Variants in CRADD observed in about 807,000 individuals in gnomAD.
CRADD encodes CARD and death domain containing adaptor protein.
CRADD carries 9 observed loss-of-function variants against 15.5 expected under a neutral mutation model. The observed-to-expected ratio is 0.58, with a 90% CI of 0.35 to 1.01. CRADD has a LOEUF of 1.01. Ranked by LOEUF, CRADD falls within the 50% of genes least tolerant of loss-of-function variation. The pLI is 0.02. For synonymous variants in CRADD, 118 were observed against 107.6 expected, an observed-to-expected ratio of 1.10 and a Z score of -0.60; for missense variants, 227 against 250.3, an observed-to-expected ratio of 0.91 and a Z score of 0.63.
chr12:93,823,713 T>G (rs899072443), intron 2 of CRADD, among the ~76,000 whole-genome samples: 1 of 152,184 alleles, frequency 6.6e-6, no homozygotes, highest in African/African-American at 2.4e-5. Flanking sequence ...TTGCCTGTGG[T>G]TCACGCAGAA....
chr12:93,804,434 C>T (rs1036388162), intron 2 of CRADD, among the ~76,000 whole-genome samples: 17 of 152,076 alleles, frequency 1.1e-4, no homozygotes, highest in African/African-American at 2.2e-4. Flanking sequence ...GGAAATTTTC[C>T]GTTTTCATCC....
chr12:93,810,281 G>T (rs566955093), intron 2 of CRADD, among the ~76,000 whole-genome samples: 7 of 152,240 alleles, frequency 4.6e-5, no homozygotes, highest in African/African-American at 1.7e-4. Context: ...GGGCACGGTG[G>T]CTCACGCCTG....
At chr12:93,722,466 A>G (rs1250642050) in intron 2 of CRADD, among the ~76,000 whole-genome samples, 2 of 151,612 alleles carry the variant, frequency 1.3e-5, no homozygotes, top group East Asian at 3.9e-4. Flanking sequence ...TAGTATTTCC[A>G]CTATACCTAT....
downstream of CRADD, among the ~76,000 whole-genome samples, chr12:93,855,278 A>T (rs1457921812): frequency 1.3e-5 from 2 of 152,156 alleles, no homozygotes; most frequent in Non-Finnish European, 2.9e-5. Context: ...AGGCAGCAGG[A>T]TGAATCTGTC....
At chr12:93,871,289 T>C (rs1958416895) in intron 2 of CRADD, among the ~76,000 whole-genome samples, 1 of 152,214 alleles carries the variant, frequency 6.6e-6, no homozygotes, top group Non-Finnish European at 1.5e-5. Context: ...TCTTTGTTTA[T>C]CTTGCCTCAC....
intron 2 of CRADD, among the ~76,000 whole-genome samples, chr12:93,694,768 C>G (rs1955660264): frequency 6.6e-6 from 1 of 151,986 alleles, no homozygotes; most frequent in Admixed American, 6.6e-5. Context: ...TGTGAAAAAC[C>G]TGTATAATGA....
At chr12:93,754,039 A>T (rs1956860884) in intron 2 of CRADD, among the ~76,000 whole-genome samples, 1 of 152,244 alleles carries the variant, frequency 6.6e-6, no homozygotes, top group South Asian at 2.1e-4. Flanking sequence ...CTGGACATCC[A>T]GGCATTGCCA....
intron 2 of CRADD, among the ~76,000 whole-genome samples, chr12:93,867,247 A>T (rs1162389596): frequency 1.3e-5 from 2 of 151,774 alleles, no homozygotes; most frequent in African/African-American, 2.4e-5. Flanking sequence ...TTTCTAACTC[A>T]CAACATTTTA....
chr12:93,829,796 A>C (rs1593025450), intron 2 of CRADD, among the ~76,000 whole-genome samples: 1 of 152,000 alleles, frequency 6.6e-6, no homozygotes, highest in African/African-American at 2.4e-5. Flanking sequence ...AGGTTCAAGC[A>C]ATTCTCATGC....
At chr12:93,719,398 G>C (rs543810736) in intron 2 of CRADD, among the ~76,000 whole-genome samples, 22 of 152,230 alleles carry the variant, frequency 1.4e-4, no homozygotes, top group African/African-American at 5.3e-4. Context: ...AGAGACATTG[G>C]TCCATAGTTT....
chr12:93,761,532 G>T (rs1391104931), intron 2 of CRADD, among the ~76,000 whole-genome samples: 2 of 152,136 alleles, frequency 1.3e-5, no homozygotes, highest in Non-Finnish European at 2.9e-5. Context: ...GCCATTTATA[G>T]AATTAGGGAC....
At chr12:93,842,242 C>T (rs1958057762) in intron 2 of CRADD, among the ~76,000 whole-genome samples, 1 of 152,100 alleles carries the variant, frequency 6.6e-6, no homozygotes, top group Admixed American at 6.6e-5. Context: ...AGGAGGTTGA[C>T]CAGACAGGAC....
chr12:93,702,781 C>T (rs1955866471), intron 2 of CRADD, among the ~76,000 whole-genome samples: 1 of 152,004 alleles, frequency 6.6e-6, no homozygotes, highest in African/African-American at 2.4e-5. Context: ...TCTTTTCAGG[C>T]AAGTGCACCA....
intron 2 of CRADD, among the ~76,000 whole-genome samples, chr12:93,796,208 A>T (rs1034415123): frequency 1.8e-4 from 27 of 152,150 alleles, no homozygotes; most frequent in East Asian, 9.6e-4. Flanking sequence ...CCATTGGGAA[A>T]TTTTTTCTGC....
chr12:93,851,053 C>T (rs184913109), downstream of CRADD, among the ~76,000 whole-genome samples: 4 of 152,234 alleles, frequency 2.6e-5, no homozygotes, highest in African/African-American at 9.6e-5. Context: ...AGTCAGGGGA[C>T]GAGAGGGGGT....
At chr12:93,852,941 T>G (rs1213981594), downstream of CRADD, among the ~76,000 whole-genome samples, 1 of 152,022 alleles carries the variant, frequency 6.6e-6, no homozygotes, top group Non-Finnish European at 1.5e-5. Flanking sequence ...ATGAAGTACA[T>G]GTTTATTATG....
intron 2 of CRADD, among the ~76,000 whole-genome samples, chr12:93,744,308 G>T (rs1334431908): frequency 6.6e-6 from 1 of 152,160 alleles, no homozygotes; most frequent in Non-Finnish European, 1.5e-5. Context: ...TGCCTTTCTT[G>T]GAGAGCACTA....
intron 2 of CRADD, among the ~76,000 whole-genome samples, chr12:93,858,414 T>A (rs1228166231): frequency 2.0e-5 from 3 of 152,246 alleles, no homozygotes; most frequent in Admixed American, 2.0e-4. Context: ...AGCCAGTTCC[T>A]ACAACCCAAA....
intron 2 of CRADD, among the ~76,000 whole-genome samples, chr12:93,784,022 G>C (rs116173159): frequency 8.7e-4 from 133 of 152,228 alleles, no homozygotes; most frequent in African/African-American, 3.1e-3. Flanking sequence ...CTTGCTGCAG[G>C]GTGCACGGGG....
Sources: allele counts gnomAD v4.1 joint callset (sites outside exome capture counted in the v4.1 genomes callset), GRCh38; gene constraint gnomAD v4.1.1; transcripts MANE v1.5; gene names NCBI Gene and HGNC (gene_info 2026-07-23, HGNC 2026-07-21).